CSMD2: variants seen among roughly 807,000 people sequenced by gnomAD.
CSMD2 encodes CUB and sushi domain-containing protein 2.
A neutral mutation model predicts 398.5 loss-of-function variants in CSMD2; 130 were observed. The observed-to-expected ratio is 0.33, with a 90% CI of 0.28 to 0.38. CSMD2 has a LOEUF of 0.38. Ranked by LOEUF, CSMD2 falls within the 10% of genes least tolerant of loss-of-function variation. The probability of loss-of-function intolerance (pLI) is 1.00; values close to 1 mark genes in which losing one functional copy is unlikely to be tolerated. For missense variants in CSMD2, 3,829 were observed against 4,764.9 expected, an observed-to-expected ratio of 0.80 and a Z score of 5.78; for synonymous variants, 1,828 against 1,908.5, an observed-to-expected ratio of 0.96 and a Z score of 1.10.
intron 3 of CSMD2, among the ~76,000 whole-genome samples, chr1:34,014,089 C>T (rs932890338): frequency 9.9e-5 from 15 of 152,190 alleles, no homozygotes; most frequent in Non-Finnish European, 2.1e-4. Flanking sequence ...AATCTGCCAG[C>T]CAGTTCTATT....
chr1:33,567,557 A>C, intron 53 of CSMD2, 36 bp downstream of exon 53: 1 of 1,608,838 alleles, frequency 6.2e-7, no homozygotes. Context: ...GTTGAATCTG[A>C]GCCCCATGAC....
At chr1:33,752,913 T>C (rs2149277683) in intron 13 of CSMD2, among the ~76,000 whole-genome samples, 1 of 152,340 alleles carries the variant, frequency 6.6e-6, no homozygotes, top group East Asian at 1.9e-4. Context: ...TTTGCAAGTT[T>C]GAACTTAAGA....
rs923377330 is a variant in CSMD2, at chr1:33,559,186, C to T, written c.8554+114G>A. 3.1e-6 allele frequency: 3 copies of T among 958,752 alleles called. No individual in the cohort carries two copies. Among genetic ancestry groups the T allele is most frequent in the Non-Finnish European group, 4.6e-6 (3 of 656,148 alleles). 59.4% of individuals were successfully genotyped at this position (958,752 alleles called of 1,614,324 possible). A position where few individuals can be genotyped will look rare whatever the true frequency, so the allele number is the denominator to read the frequency against. On this transcript the variant is annotated intron_variant, in intron 54 of 70. Transcript: ENST00000373381. The surrounding 1 kb of genome is among the most constrained non-coding windows in gnomAD (Gnocchi z 4.0). ...TATGACCCTTCTCTGCTCCATCTTC[C>T]CTATCTGGATCAGAATGATGCCAGA...
rs569901980 is a variant in CSMD2 at position 33,516,049 on chromosome 1, A to T, written c.*575T>A. The T allele has an allele frequency of 6.6e-6, 1 of 152,220 alleles. No homozygotes were observed. Among genetic ancestry groups the T allele is most frequent in the Non-Finnish European group, 1.5e-5 (1 of 68,062 alleles). The allele number at this position is 152,220 out of a possible 1,614,324, so 9.4% of individuals were successfully genotyped here. On this transcript the variant is annotated 3_prime_UTR_variant, in exon 71 of 71. Transcript: ENST00000373381. ...TCATCAGCAGACAGCTGGTTTCTGC[A>T]CGCTGACCGGGTTTCTGCACTCTGA...
At chr1:33,801,430 T>C (rs556905842) in intron 10 of CSMD2, among the ~76,000 whole-genome samples, 1 of 152,242 alleles carries the variant, frequency 6.6e-6, no homozygotes, top group Admixed American at 6.5e-5. Flanking sequence ...TGAAGGGACC[T>C]AACAAGAGGA....
At chr1:33,881,967 T>C (rs1325458418) in intron 5 of CSMD2, among the ~76,000 whole-genome samples, 1 of 152,210 alleles carries the variant, frequency 6.6e-6, no homozygotes, top group South Asian at 2.1e-4. Flanking sequence ...ATTGGACATA[T>C]ACTGTTTCCT....
chr1:33,792,029 A>G (rs1035678015), intron 11 of CSMD2, among the ~76,000 whole-genome samples: 2 of 152,064 alleles, frequency 1.3e-5, no homozygotes, highest in African/African-American at 4.8e-5. Context: ...AAGGTTAGCA[A>G]CTCATTTCCA....
chr1:33,922,319 G>C (rs1383473695), intron 4 of CSMD2, among the ~76,000 whole-genome samples: 1 of 152,058 alleles, frequency 6.6e-6, no homozygotes, highest in African/African-American at 2.4e-5. Context: ...GGGAAGGGAG[G>C]GGCACTCAGG....
chr1:33,860,432 A>C (rs888798258), intron 5 of CSMD2: 1 of 152,208 alleles, frequency 6.6e-6, no homozygotes, highest in South Asian at 2.1e-4. Context: ...TGTGATCTCA[A>C]CATGACCTGT....
At chr1:34,026,560 G>A (rs565833250) in intron 3 of CSMD2, among the ~76,000 whole-genome samples, 1 of 152,342 alleles carries the variant, frequency 6.6e-6, no homozygotes, top group Admixed American at 6.5e-5. Context: ...AAAAGTGTCA[G>A]AGTGCACGAG....
intron 2 of CSMD2, among the ~76,000 whole-genome samples, chr1:34,061,642 C>T (rs1654520963): frequency 6.6e-6 from 1 of 152,210 alleles, no homozygotes; most frequent in Non-Finnish European, 1.5e-5. Flanking sequence ...TCTTGTAAGA[C>T]TTAAAAGGGT....
At chr1:33,977,642 C>G (rs1005397097) in intron 3 of CSMD2, among the ~76,000 whole-genome samples, 3 of 151,900 alleles carry the variant, frequency 2.0e-5, no homozygotes, top group African/African-American at 4.8e-5. Context: ...AGCAGGAGCA[C>G]TGAGCTGTGC....
intron 3 of CSMD2, among the ~76,000 whole-genome samples, chr1:33,946,757 T>G (rs1035239587): frequency 8.0e-6 from 1 of 125,376 alleles, no homozygotes; most frequent in Non-Finnish European, 1.7e-5. Context: ...TAACTGGGAT[T>G]ACAGGCGCGC....
intron 6 of CSMD2, among the ~76,000 whole-genome samples, chr1:33,827,163 T>C (rs545658175): frequency 6.6e-6 from 1 of 152,316 alleles, no homozygotes; most frequent in East Asian, 1.9e-4. Flanking sequence ...ATATAGTCTG[T>C]CCTTAGCACA....
intron 13 of CSMD2, among the ~76,000 whole-genome samples, chr1:33,758,117 T>C (rs1196341981): frequency 2.6e-5 from 4 of 152,134 alleles, no homozygotes; most frequent in Admixed American, 6.6e-5. Context: ...ATCTTTTTTA[T>C]TTTTCCACTC....
At chr1:34,025,188 C>T (rs1649474227) in intron 3 of CSMD2, among the ~76,000 whole-genome samples, 1 of 152,192 alleles carries the variant, frequency 6.6e-6, no homozygotes, top group Non-Finnish European at 1.5e-5. Flanking sequence ...TACCCTGTTG[C>T]AACACGCTGT....
chr1:33,816,210 G>A (rs1168049905), intron 9 of CSMD2, among the ~76,000 whole-genome samples: 1 of 152,172 alleles, frequency 6.6e-6, no homozygotes, highest in African/African-American at 2.4e-5. Context: ...ACATATATAT[G>A]AGTTTAGCCA....
intron 22 of CSMD2, among the ~76,000 whole-genome samples, chr1:33,702,930 G>A (rs1309863089): frequency 2.0e-5 from 3 of 152,020 alleles, no homozygotes; most frequent in Non-Finnish European, 4.4e-5. Flanking sequence ...ACCAAACTCT[G>A]TTTGTAAATA....
intron 1 of CSMD2, among the ~76,000 whole-genome samples, chr1:34,162,022 A>C (rs937806692): frequency 6.6e-6 from 1 of 151,944 alleles, no homozygotes; most frequent in African/African-American, 2.4e-5. Context: ...AAAATACAAA[A>C]TTAGCTGGGC....
Sources: gnomAD v4.1 joint callset for allele counts (sites outside exome capture counted in the v4.1 genomes callset) on GRCh38, gnomAD v4.1.1 for gene constraint, Gnocchi (gnomAD v3.1) non-coding constraint, MANE v1.5 for transcripts, NCBI Gene and HGNC (gene_info 2026-07-23, HGNC 2026-07-21) for gene names.